The following RAB43 variants were observed in gnomAD, a reference collection of about 807,000 sequenced individuals.
The protein encoded by RAB43 is ras-related protein Rab-43.
A neutral mutation model predicts 18.8 loss-of-function variants in RAB43; 6 were observed. The observed-to-expected ratio is 0.32, with a 90% confidence interval of 0.17 to 0.63. RAB43 has a LOEUF of 0.63. RAB43 is among the 30% of genes least tolerant of loss of function. The probability of loss-of-function intolerance (pLI) is 0.79; values close to 1 mark genes in which losing one functional copy is unlikely to be tolerated. For missense variants in RAB43, 195 were observed against 289.1 expected, an observed-to-expected ratio of 0.67 and a Z score of 2.36; for synonymous variants, 103 against 124.1, an observed-to-expected ratio of 0.83 and a Z score of 1.13.
chr3:129,101,543 T>C (rs1934413183), intron 1 of RAB43, among the ~76,000 whole-genome samples: 2 of 152,124 alleles, frequency 1.3e-5, no homozygotes, highest in African/African-American at 4.8e-5. Context: ...GCCAGCCTAT[T>C]TGATGATCTG....
chr3:129,091,398 G>T, intron 2 of RAB43, 52 bp from the exon 3 acceptor site: 1 of 1,563,300 alleles, frequency 6.4e-7, no homozygotes, highest in East Asian at 2.3e-5. Context: ...GGCAAGCCCA[G>T]TCCCACCTGG....
intron 1 of RAB43, among the ~76,000 whole-genome samples, chr3:129,116,666 C>A (rs915918546): frequency 1.3e-5 from 2 of 152,172 alleles, no homozygotes; most frequent in African/African-American, 2.4e-5. Flanking sequence ...GTCCTGAAAT[C>A]TGGAGGTCCA....
rs1284217082 is a variant in RAB43 at position 129,107,733 on chromosome 3, C to T, written c.205-12564G>A. Reference sequence around the variant, plus strand: ...CACACCTCTTTTCCCCAAATTCCTCCGCTGCAAGGGCCCAGGCACAAGGGA... The same window carrying T: ...CACACCTCTTTTCCCCAAATTCCTCTGCTGCAAGGGCCCAGGCACAAGGGA... On this transcript the variant is annotated intron_variant, in intron 1 of 2. Transcript: ENST00000315150. This position sits in a 1 kb window ranked among gnomAD's most constrained non-coding sequence, Gnocchi z 4.2. 6.6e-6 allele frequency among the ~76,000 whole-genome samples: 1 copy of T among 152,146 alleles called. No homozygotes were observed. Among genetic ancestry groups the T allele is most frequent in the Non-Finnish European group, 1.5e-5 (1 of 68,034 alleles).
In RAB43 at chr3:129,107,672, A is replaced by G. The variant is rs1934872524; in HGVS notation, c.205-12503T>C. On this transcript the variant is annotated intron_variant, in intron 1 of 2. Coordinates refer to ENST00000315150, the MANE Select transcript of RAB43 (RefSeq NM_198490.3). The surrounding 1 kb of genome is among the most constrained non-coding windows in gnomAD (Gnocchi z 4.2). Reference sequence around the variant, plus strand: ...GTGTCCCTGGTAGACAGCCTCTTGGAGCCCTCACAGCCTCCACAAGAATTC... The same window carrying G: ...GTGTCCCTGGTAGACAGCCTCTTGGGGCCCTCACAGCCTCCACAAGAATTC... Among the ~76,000 whole-genome samples, 1 of 152,064 alleles carries G rather than the reference A, an allele frequency of 6.6e-6. No homozygotes were observed. The highest frequency in any genetic ancestry group is 2.1e-4 in the South Asian group (1 of 4,828).
intron 1 of RAB43, among the ~76,000 whole-genome samples, chr3:129,097,417 T>G (rs1934130137): frequency 6.6e-6 from 1 of 152,114 alleles, no homozygotes; most frequent in African/African-American, 2.4e-5. Flanking sequence ...ATTTCCAACC[T>G]AGAATTCTCT....
At chr3:129,105,283 T>C (rs1934696740) in intron 1 of RAB43, among the ~76,000 whole-genome samples, 1 of 151,926 alleles carries the variant, frequency 6.6e-6, no homozygotes, top group Non-Finnish European at 1.5e-5. Flanking sequence ...CGAAACCTTG[T>C]CTCTACTAAA....
intron 1 of RAB43, among the ~76,000 whole-genome samples, chr3:129,101,668 A>G (rs941759471): frequency 2.6e-5 from 4 of 152,208 alleles, no homozygotes; most frequent in Non-Finnish European, 5.9e-5. Flanking sequence ...TGTTAGAGAC[A>G]TGGAAAGGGC....
intron 1 of RAB43, among the ~76,000 whole-genome samples, chr3:129,103,085 G>A (rs1934533175): frequency 6.6e-6 from 1 of 152,200 alleles, no homozygotes; most frequent in Non-Finnish European, 1.5e-5. Context: ...GAGAAAAGAG[G>A]GAGGCTCTGA....
Position 129,095,154 on chromosome 3 carries a change from T to G in RAB43, c.220A>C (p.Thr74Pro). 2 of 1,613,214 alleles carry G rather than the reference T, an allele frequency of 1.2e-6. No homozygotes were observed. The highest frequency in any genetic ancestry group is 1.7e-6 in the Non-Finnish European group (2 of 1,179,570). ...GTGCGGAACCGCTCCTGGCCGGCCG[T>G]GTCCCAGATCTGCAGCTAAAGAAAT... The part of the protein sequence containing the change: ...GKRVKLQIWD[T>P]AGQERFRTIT... Residue 74 changes from threonine (T) to proline (P), a missense_variant, in exon 2 of 3, where the codon ACG (threonine) becomes CCG (proline). Physicochemically the swap from Thr to Pro is conservative, Grantham distance 38 (BLOSUM62 -1). Transcript: ENST00000315150. The surrounding 1 kb of genome is among the most constrained non-coding windows in gnomAD (Gnocchi z 4.2).
Position 129,091,125 on chromosome 3 carries a change from T to C in RAB43, c.610A>G (p.Ile204Val), listed in dbSNP as rs764537903. 2.2e-5 allele frequency: 35 copies of C among 1,597,472 alleles called. No individual in the cohort carries two copies. The highest frequency in any genetic ancestry group is 4.3e-4 in the Middle Eastern group (2 of 4,702). ...CACCCGCAGCCCCAGCCTTCTCCGA[T>C]GTCCTTGCTGTTCAGCTGGATGTGG... The part of the protein sequence containing the change: ...PDHIQLNSKD[I>V]GEGWGCGC The change falls in exon 3 of 3, where the codon ATC (isoleucine) becomes GTC (valine). Residue 204 changes from isoleucine to valine, a missense_variant. Coordinates refer to ENST00000315150, the MANE Select transcript of RAB43 (RefSeq NM_198490.3).
chr3:129,104,891 GTC>G (rs1934660253), intron 1 of RAB43, among the ~76,000 whole-genome samples: 1 of 152,188 alleles, frequency 6.6e-6, no homozygotes, highest in Non-Finnish European at 1.5e-5. Context: ...CAGTTCAAAA[GTC>G]TCTCATTTTC....
At chr3:129,102,183 C>T (rs1203562897) in intron 1 of RAB43, among the ~76,000 whole-genome samples, 2 of 152,238 alleles carry the variant, frequency 1.3e-5, no homozygotes, top group Admixed American at 1.3e-4. Flanking sequence ...AGACCACTGC[C>T]CATGGCAGCT....
Position 129,121,560 on chromosome 3 carries a change from C to A in RAB43, c.-71G>T. The A allele has an allele frequency of 1.5e-6, 2 of 1,331,462 alleles. No homozygotes were observed. Among genetic ancestry groups the A allele is most frequent in the Admixed American group, 2.5e-5 (1 of 39,590 alleles). 82.5% of individuals were successfully genotyped at this position (1,331,462 alleles called of 1,614,324 possible). On this transcript the variant is annotated 5_prime_UTR_variant, in exon 1 of 3. Transcript: ENST00000315150. The stretch of plus-strand genomic sequence containing the variant: ...GCCTGAGCTCACGCAAGCCGCGGGC[C>A]GAGCTCCGCCCGCTCCAGCCCACGG...
At chr3:129,112,355 C>G (rs1278394678) in intron 1 of RAB43, among the ~76,000 whole-genome samples, 2 of 151,536 alleles carry the variant, frequency 1.3e-5, no homozygotes. Flanking sequence ...TAAAAATATC[C>G]AATTTTTATA....
chr3:129,118,820 C>T (rs770098000), intron 1 of RAB43, among the ~76,000 whole-genome samples: 3 of 152,218 alleles, frequency 2.0e-5, no homozygotes, highest in Non-Finnish European at 4.4e-5. Flanking sequence ...AGCCACTGCA[C>T]CCGGCCCCTG....
At chr3:129,116,729 TAGC>T (rs1440621548) in intron 1 of RAB43, among the ~76,000 whole-genome samples, 2 of 152,190 alleles carry the variant, frequency 1.3e-5, no homozygotes, top group Non-Finnish European at 2.9e-5. Flanking sequence ...GCAGCATCCC[TAGC>T]GAGCAGACAG....
At position 129,121,428 on chromosome 3, in the gene RAB43, A is replaced by G. The variant is rs1186884092; in HGVS notation, c.62T>C (p.Leu21Pro). The G allele has an allele frequency of 6.2e-7, 1 of 1,613,282 alleles. No individual in the cohort carries two copies. Among genetic ancestry groups the G allele is most frequent in the Non-Finnish European group, 8.5e-7 (1 of 1,179,654 alleles). The change falls in exon 1 of 3, where the codon CTG (leucine) becomes CCG (proline). Residue 21 changes from leucine to proline, a missense_variant. Coordinates refer to ENST00000315150, the MANE Select transcript of RAB43 (RefSeq NM_198490.3). ...PDEQYDFLFK[L>P]VLVGDASVGK... ...CACGCTTGCGTCGCCCACCAGCACC[A>G]GCTTGAACAGGAAATCGTACTGCTC...
At chr3:129,118,487 C>T (rs1935694979) in intron 1 of RAB43, among the ~76,000 whole-genome samples, 1 of 152,136 alleles carries the variant, frequency 6.6e-6, no homozygotes, top group South Asian at 2.1e-4. Flanking sequence ...CTCTCTCTGA[C>T]CTCTTGGCTT....
chr3:129,098,232 C>G (rs1336143866), intron 1 of RAB43, among the ~76,000 whole-genome samples: 2 of 152,120 alleles, frequency 1.3e-5, no homozygotes, highest in African/African-American at 4.8e-5. Flanking sequence ...GAGGACCATG[C>G]CTAAAGAATA....
Sources: allele counts gnomAD v4.1 joint callset (sites outside exome capture counted in the v4.1 genomes callset), GRCh38; gene constraint gnomAD v4.1.1; non-coding constraint Gnocchi (gnomAD v3.1); transcripts MANE v1.5; gene names NCBI Gene and HGNC (gene_info 2026-07-23, HGNC 2026-07-21).